Variants in NDUFAF1 observed in about 807,000 individuals in gnomAD.
NDUFAF1 encodes the protein NADH:ubiquinone oxidoreductase complex assembly factor 1.
In NDUFAF1, 18 loss-of-function variants were observed where a neutral mutation model predicts 28.7. That is an observed-to-expected ratio of 0.63 (90% CI 0.43 to 0.93). The LOEUF (loss-of-function observed/expected upper bound fraction) is 0.93, where lower values mean the gene tolerates loss of function less well. NDUFAF1 is among the 40% of genes least tolerant of loss of function. The pLI is 0.00. For synonymous variants in NDUFAF1, 113 were observed against 139.7 expected (o/e 0.81, Z 1.35); for missense variants, 404 against 398.3 (o/e 1.01, Z -0.12).
At chr15:41,395,195 T>C in intron 2 of NDUFAF1, 151 bp from the exon 3 acceptor site, 1 of 736,162 alleles carries the variant, frequency 1.4e-6, no homozygotes, top group Admixed American at 2.0e-5. Context: ...GTGATTATTA[T>C]TTTAGCACAA....
At chr15:41,392,072 T>C (rs1347254095) in intron 3 of NDUFAF1, among the ~76,000 whole-genome samples, 5 of 147,912 alleles carry the variant, frequency 3.4e-5, no homozygotes, top group African/African-American at 1.2e-4. Context: ...TATTCTTTTT[T>C]TTTTTTTTTT....
Position 41,396,502 on chromosome 15 carries a change from T to C in NDUFAF1, c.558A>G (p.Ile186Met), listed in dbSNP as rs34979001. The C allele has an allele frequency of 3.2e-3, 5,091 of 1,614,126 alleles. 165 individuals are homozygous for C. The African/African-American group carries it at 0.061, about 19-fold the overall frequency. ...ESTRSGYCAMISRIPRGAFER... is the reference protein window; with the variant it reads ...ESTRSGYCAMMSRIPRGAFER... ...CCTCACCTACCCTTGGAATCCTGGA[T>C]ATCATTGCACAGTACCCACTTCGGG... The change falls in exon 2 of 5, where the codon ATA becomes ATG. Residue 186 changes from isoleucine to methionine, a missense_variant. Physicochemically the swap from Ile to Met is conservative, Grantham distance 10. Coordinates refer to ENST00000260361, the MANE Select transcript of NDUFAF1 (RefSeq NM_016013.4).
At chr15:41,398,001 G>GACAAGAGCAAAATTC in intron 1 of NDUFAF1, among the ~76,000 whole-genome samples, 1 of 132,530 alleles carries the variant, frequency 7.5e-6, no homozygotes. Flanking sequence ...CTCCAGCCTG[G>GACAAGAGCAAAATTC]CAACAGAGCG....
Position 41,394,854 on chromosome 15 carries a change from G to T in NDUFAF1, c.759+5C>A. On this transcript the variant is annotated splice_donor_5th_base_variant and intron_variant, in intron 3 of 4. Transcript: ENST00000260361. ...TTTATAAACAATGAAGATTTATGCT[G>T]TTACCTTGACCTCCTGCCAGTAGGG... is the stretch of plus-strand genomic sequence containing the variant. 1 of 1,613,684 alleles carries T rather than the reference G, an allele frequency of 6.2e-7. No individual in the cohort carries two copies. The highest frequency in any genetic ancestry group is 1.3e-5 in the African/African-American group (1 of 74,980).
intron 3 of NDUFAF1, among the ~76,000 whole-genome samples, chr15:41,393,615 C>G (rs1243675124): frequency 1.5e-5 from 2 of 134,568 alleles, no homozygotes; most frequent in African/African-American, 6.0e-5. Flanking sequence ...TGGAGTCTCA[C>G]TCTGTCGCCA....
At chr15:41,396,097 AAAAG>A (rs963303617) in intron 2 of NDUFAF1, among the ~76,000 whole-genome samples, 2 of 151,870 alleles carry the variant, frequency 1.3e-5, no homozygotes, top group Non-Finnish European at 2.9e-5. Flanking sequence ...CAAAAAAAAA[AAAAG>A]AAAGCCACAG....
rs148982578 is a variant in NDUFAF1 at position 41,396,999 on chromosome 15, T to A, written c.61A>T (p.Thr21Ser). The A allele has an allele frequency of 4.1e-5, 66 of 1,612,708 alleles. No homozygotes were observed. The South Asian group carries it at 6.7e-4, about 16-fold the overall frequency. The change falls in exon 2 of 5, where the codon ACT becomes TCT. Residue 21 changes from threonine (T) to serine (S), a missense_variant. By Grantham distance (58) the Thr-to-Ser change is moderately conservative. Coordinates refer to ENST00000260361, the MANE Select transcript of NDUFAF1 (RefSeq NM_016013.4). ...CCCAAAAATGGATACAAGGCAGAAG[T>A]TGGCTTAGAGAATTTTCTGAGAAAA... is the stretch of plus-strand genomic sequence containing the variant. ...TYFLRKFSKP[T>S]SALYPFLGIR...
At chr15:41,400,378 A>G (rs2050445908) in intron 1 of NDUFAF1, among the ~76,000 whole-genome samples, 2 of 151,680 alleles carry the variant, frequency 1.3e-5, no homozygotes, top group Admixed American at 1.3e-4. Context: ...TCAAAAAAAA[A>G]AAAAAAAAAA....
intron 3 of NDUFAF1, among the ~76,000 whole-genome samples, chr15:41,392,965 G>A (rs1402452844): frequency 6.6e-6 from 1 of 152,048 alleles, no homozygotes; most frequent in Non-Finnish European, 1.5e-5. Flanking sequence ...GACCAGGGTG[G>A]GAGTAGAAGA....
intron 4 of NDUFAF1, 42 bp from the exon 5 acceptor site, chr15:41,387,635 G>A (rs773733428): frequency 6.7e-7 from 1 of 1,495,752 alleles, no homozygotes; most frequent in Admixed American, 1.7e-5. Flanking sequence ...CTCATACAGT[G>A]ACGTACTGAG....
At chr15:41,388,651 T>C in intron 3 of NDUFAF1, 129 bp from the exon 4 acceptor site, 1 of 677,994 alleles carries the variant, frequency 1.5e-6, no homozygotes, top group Non-Finnish European at 2.6e-6. Context: ...GACAAATGGC[T>C]AGCCATTTGG....
chr15:41,387,451 A>G lies in NDUFAF1; in HGVS notation c.977T>C (p.Phe326Ser). 1 of 1,613,642 alleles carries G rather than the reference A, an allele frequency of 6.2e-7. No individual in the cohort carries two copies. Residue 326 changes from phenylalanine to serine, a missense_variant, in exon 5 of 5, where the codon TTT becomes TCT. Phe to Ser is a radical substitution (Grantham distance 155). Coordinates refer to ENST00000260361, the MANE Select transcript of NDUFAF1 (RefSeq NM_016013.4). ...AAAACTACCATATGATCTTTATTTA[A>G]AAAGCCTTGGGTTAAGCTCTGGAGA... Reference protein sequence around the residue: ...ENSPELNPRLFK With the variant: ...ENSPELNPRLSK
At chr15:41,400,747 C>G (rs1353905055) in intron 1 of NDUFAF1, among the ~76,000 whole-genome samples, 1 of 141,178 alleles carries the variant, frequency 7.1e-6, no homozygotes, top group African/African-American at 2.7e-5. Context: ...CCGTGTTAGC[C>G]AGGATGGTCT....
Position 41,387,592 on chromosome 15 carries a change from A to G in NDUFAF1, c.836T>C (p.Ile279Thr), listed in dbSNP as rs2140907039. Reference protein sequence around the residue: ...DVQHELPLDKISSIGFTLADK... With the variant: ...DVQHELPLDKTSSIGFTLADK... The stretch of plus-strand genomic sequence containing the variant: ...AGCCAAGGTGAATCCTATAGAAGAG[A>G]TCTAAATTTAAAATACAGAAATTGA... The change falls in exon 5 of 5, where the codon ATC (isoleucine) becomes ACC (threonine). Residue 279 changes from isoleucine to threonine, a missense_variant and splice_region_variant. Physicochemically the swap from Ile to Thr is moderately conservative, Grantham distance 89. Coordinates refer to ENST00000260361, the MANE Select transcript of NDUFAF1 (RefSeq NM_016013.4). 1.2e-6 allele frequency: 2 copies of G among 1,604,058 alleles called. No individual in the cohort carries two copies. The highest frequency in any genetic ancestry group is 1.7e-4 in the Middle Eastern group (1 of 6,044).
chr15:41,399,661 C>T (rs1301875641), intron 1 of NDUFAF1, among the ~76,000 whole-genome samples: 4 of 150,642 alleles, frequency 2.7e-5, no homozygotes, highest in Non-Finnish European at 4.4e-5. Flanking sequence ...GAGACCATCC[C>T]GGCTAAAACG....
At chr15:41,392,107 C>G (rs944370134) in intron 3 of NDUFAF1, among the ~76,000 whole-genome samples, 3 of 135,124 alleles carry the variant, frequency 2.2e-5, no homozygotes, top group African/African-American at 8.3e-5. Context: ...GAGTCTTACT[C>G]TGTCACCCAG....
intron 2 of NDUFAF1, among the ~76,000 whole-genome samples, chr15:41,395,665 C>A (rs867534543): frequency 7.4e-6 from 1 of 136,036 alleles, no homozygotes; most frequent in African/African-American, 2.7e-5. Context: ...CCACTGCGCC[C>A]GGCCTTTTTT....
Position 41,387,573 on chromosome 15 carries a change from G to A in NDUFAF1, c.855C>T (p.Thr285=), listed in dbSNP as rs145122315. The A allele has an allele frequency of 4.1e-4, 655 of 1,609,854 alleles. No homozygotes were observed. The highest frequency in any genetic ancestry group is 5.1e-4 in the Non-Finnish European group (605 of 1,176,288). ...PLDKISSIGF[T]LADKVDGPFF... ...ATGGACCATCCACTTTATCAGCCAA[G>A]GTGAATCCTATAGAAGAGATCTAAA... is the stretch of plus-strand genomic sequence containing the variant. Residue 285 remains threonine (T), a synonymous_variant, in exon 5 of 5, where the codon ACC becomes ACT. Transcript: ENST00000260361.
chr15:41,400,153 G>T (rs2050443353), intron 1 of NDUFAF1, among the ~76,000 whole-genome samples: 1 of 151,874 alleles, frequency 6.6e-6, no homozygotes, highest in Non-Finnish European at 1.5e-5. Flanking sequence ...GTGGGTGGAT[G>T]ACAAGGTCAG....
Sources: allele counts gnomAD v4.1 joint callset (sites outside exome capture counted in the v4.1 genomes callset), GRCh38; gene constraint gnomAD v4.1.1; transcripts MANE v1.5; gene names NCBI Gene and HGNC (gene_info 2026-07-23, HGNC 2026-07-21).